ZNF503: variants seen among roughly 807,000 people sequenced by gnomAD.
ZNF503 encodes the protein NocA-like zinc finger 2.
Under a neutral mutation model 34.4 loss-of-function variants are expected in ZNF503, and 15 were observed. The observed-to-expected ratio is 0.44, with a 90% CI of 0.29 to 0.67. The LOEUF is 0.67. Ranked by LOEUF, ZNF503 falls within the 30% of genes least tolerant of loss-of-function variation. ZNF503 has a pLI of 0.13. For synonymous variants in ZNF503, 580 were observed against 456.8 expected (o/e 1.27, Z -3.44); for missense variants, 1,007 against 926.8 (o/e 1.09, Z -1.12).
At chr10:75,295,078 C>A in the ZNF503 span, among the ~76,000 whole-genome samples, 1 of 151,610 alleles carries the variant, frequency 6.6e-6, no homozygotes, top group Non-Finnish European at 1.5e-5. This position sits in a 1 kb window ranked among gnomAD's most constrained non-coding sequence, Gnocchi z 4.0. Context: ...TTATGACTTG[C>A]GAGCCGCCTG....
At chr10:75,320,093 T>C in the ZNF503 span, among the ~76,000 whole-genome samples, 3 of 152,208 alleles carry the variant, frequency 2.0e-5, no homozygotes, top group Non-Finnish European at 1.5e-5. Context: ...AGGCTGGTAT[T>C]ATCCTGTTAC....
downstream of ZNF503, among the ~76,000 whole-genome samples, chr10:75,394,110 T>G (rs1564757590): frequency 6.6e-6 from 1 of 152,206 alleles, no homozygotes; most frequent in Non-Finnish European, 1.5e-5. Context: ...CCACTGTCTT[T>G]CCGCTGCTGA....
the ZNF503 span, among the ~76,000 whole-genome samples, chr10:75,332,462 AT>A: frequency 2.4e-4 from 23 of 94,008 alleles, no homozygotes; most frequent in Non-Finnish European, 4.8e-4. Context: ...TTCAGTTTAA[AT>A]TTTTCTTTTT....
At chr10:75,282,750 G>A in the ZNF503 span, among the ~76,000 whole-genome samples, 1 of 152,334 alleles carries the variant, frequency 6.6e-6, no homozygotes, top group East Asian at 1.9e-4. Context: ...CTAACAGGAT[G>A]ACCTTGGGTA....
chr10:75,328,977 C>T, the ZNF503 span, among the ~76,000 whole-genome samples: 1 of 152,060 alleles, frequency 6.6e-6, no homozygotes, highest in Non-Finnish European at 1.5e-5. Context: ...GAACTCCTGA[C>T]CTCAGGTGAT....
chr10:75,308,180 TG>T, the ZNF503 span, among the ~76,000 whole-genome samples: 2 of 143,634 alleles, frequency 1.4e-5, no homozygotes, highest in African/African-American at 2.6e-5. Flanking sequence ...AAACAAATCC[TG>T]GGTGACAATA....
chr10:75,367,179 G>T, the ZNF503 span, among the ~76,000 whole-genome samples: 7 of 152,096 alleles, frequency 4.6e-5, no homozygotes, highest in Non-Finnish European at 4.4e-5. Context: ...TCATTAGGAA[G>T]AATTTCCCTC....
the ZNF503 span, among the ~76,000 whole-genome samples, chr10:75,345,129 T>A: frequency 3.9e-5 from 6 of 152,172 alleles, no homozygotes; most frequent in Non-Finnish European, 5.9e-5. Flanking sequence ...AGGAAATGCA[T>A]TGCTCTGGGA....
chr10:75,372,860 T>C, the ZNF503 span, among the ~76,000 whole-genome samples: 2 of 152,144 alleles, frequency 1.3e-5, no homozygotes, highest in African/African-American at 4.8e-5. Flanking sequence ...CCTTAGACTC[T>C]TGGGGCACTT....
the ZNF503 span, among the ~76,000 whole-genome samples, chr10:75,295,092 G>C: frequency 6.6e-6 from 1 of 151,746 alleles, no homozygotes; most frequent in African/African-American, 2.4e-5. This position sits in a 1 kb window ranked among gnomAD's most constrained non-coding sequence, Gnocchi z 4.0. Context: ...CCGCCTGACA[G>C]ACAGGGCTGC....
the ZNF503 span, among the ~76,000 whole-genome samples, chr10:75,390,180 ATTTC>A: frequency 6.6e-6 from 1 of 151,138 alleles, no homozygotes; most frequent in Non-Finnish European, 1.5e-5. Context: ...TACAGGCATG[ATTTC>A]TTTTTTTTTT....
In ZNF503 at chr10:75,400,096, G is replaced by A. The variant is rs569281706; in HGVS notation, c.594C>T (p.Gly198=). The stretch of plus-strand genomic sequence containing the variant: ...ACGAAACACCCCCGCCGCCGCCCCC[G>A]CCACCGCCACCGCCTCCACCGCCGC... ...PGGGGGGGGG[G]GGGGGGVSSE... is the part of the protein sequence containing the mutation. Residue 198 remains glycine, a synonymous_variant, in exon 2 of 2, where the codon GGC becomes GGT. Transcript: ENST00000372524. 51 of 668,298 alleles carry A rather than the reference G, an allele frequency of 7.6e-5. No individual in the cohort carries two copies. The highest frequency in any genetic ancestry group is 4.6e-4 in the Middle Eastern group (1 of 2,160). The allele number at this position is 668,298 out of a possible 1,614,324, so 41.4% of individuals were successfully genotyped here.
the ZNF503 span, among the ~76,000 whole-genome samples, chr10:75,368,192 T>C: frequency 4.6e-5 from 7 of 152,288 alleles, no homozygotes; most frequent in East Asian, 1.2e-3. Flanking sequence ...CAAACCTCTC[T>C]GCATCAACAA....
chr10:75,377,634 A>G, the ZNF503 span, among the ~76,000 whole-genome samples: 1 of 152,154 alleles, frequency 6.6e-6, no homozygotes, highest in Non-Finnish European at 1.5e-5. Flanking sequence ...TGGGGAATCC[A>G]TCTGCTTCCC....
downstream of ZNF503, among the ~76,000 whole-genome samples, chr10:75,393,805 G>C (rs1843669341): frequency 6.6e-6 from 1 of 152,048 alleles, no homozygotes; most frequent in South Asian, 2.1e-4. Context: ...GTTGCAATGA[G>C]CTGAGATCAA....
chr10:75,401,349 C>T lies in ZNF503; in HGVS notation c.71G>A (p.Gly24Glu). Residue 24 changes from glycine (G) to glutamate (E), a missense_variant, in exon 1 of 2, where the codon GGA becomes GAA. Physicochemically the swap from Gly to Glu is moderately conservative, Grantham distance 98. Transcript: ENST00000372524. ...CCAGGCAGGGTCTGCACCGCCGCCT[C>T]CGCCTCCGCCGCCGCCGCCGCCGCT... is the stretch of plus-strand genomic sequence containing the variant. ...KHSGGGGGGG[G>E]GGGADPAWTS... The T allele has an allele frequency of 6.6e-7, 1 of 1,509,198 alleles. No individual in the cohort carries two copies. Among genetic ancestry groups the T allele is most frequent in the Non-Finnish European group, 8.7e-7 (1 of 1,145,470 alleles). 93.5% of individuals were successfully genotyped at this position (1,509,198 alleles called of 1,614,324 possible). A position where few individuals can be genotyped will look rare whatever the true frequency, so the allele number is the denominator to read the frequency against.
downstream of ZNF503, among the ~76,000 whole-genome samples, chr10:75,395,464 C>A (rs940100929): frequency 7.2e-5 from 11 of 152,166 alleles, no homozygotes; most frequent in Admixed American, 6.5e-4. This position sits in a 1 kb window ranked among gnomAD's most constrained non-coding sequence, Gnocchi z 4.4. Context: ...AGGACTCCTT[C>A]CTGCTCCGCC....
At chr10:75,392,437 C>T in the ZNF503 span, among the ~76,000 whole-genome samples, 2 of 152,118 alleles carry the variant, frequency 1.3e-5, no homozygotes, top group African/African-American at 2.4e-5. Context: ...AGGGAAAGAT[C>T]GGTGTGTGGT....
the ZNF503 span, among the ~76,000 whole-genome samples, chr10:75,377,658 G>A: frequency 2.2e-4 from 33 of 152,254 alleles, 1 homozygote; most frequent in East Asian, 6.0e-3. Flanking sequence ...TTTCTATCCA[G>A]GTTGAAGTGG....
Sources: allele counts gnomAD v4.1 joint callset (sites outside exome capture counted in the v4.1 genomes callset), GRCh38; gene constraint gnomAD v4.1.1; non-coding constraint Gnocchi (gnomAD v3.1); transcripts MANE v1.5; gene names NCBI Gene and HGNC (gene_info 2026-07-23, HGNC 2026-07-21).